SLC26A7: variants seen among roughly 807,000 people sequenced by gnomAD.
The protein encoded by SLC26A7 is anion exchange transporter.
SLC26A7 carries 59 observed loss-of-function variants against 82.5 expected under a neutral mutation model. The observed-to-expected ratio is 0.72, with a 90% CI of 0.58 to 0.89. The LOEUF (loss-of-function observed/expected upper bound fraction) is 0.89, where lower values mean the gene tolerates loss of function less well. SLC26A7 is among the 40% of genes least tolerant of loss of function. SLC26A7 has a pLI of 0.00. For synonymous variants in SLC26A7, 271 were observed against 274.3 expected (o/e 0.99, Z 0.12); for missense variants, 820 against 793.0 (o/e 1.03, Z -0.41).
chr8:91,227,417 C>T (rs779434509), intron 2 of SLC26A7, among the ~76,000 whole-genome samples: 1 of 152,106 alleles, frequency 6.6e-6, no homozygotes, highest in Non-Finnish European at 1.5e-5. Context: ...TAGTTTCAAA[C>T]AGAAGAATAT....
chr8:91,288,986 A>T, intron 2 of SLC26A7, 150 bp from the exon 3 acceptor site: 1 of 538,388 alleles, frequency 1.9e-6, no homozygotes. Context: ...ATTTTCTTTT[A>T]TTTAGGGCAA....
intron 4 of SLC26A7, among the ~76,000 whole-genome samples, chr8:91,308,737 C>G (rs903191937): frequency 7.9e-5 from 12 of 152,096 alleles, no homozygotes; most frequent in African/African-American, 2.9e-4. Context: ...TTAGTATGGA[C>G]TCTAGGATAT....
At chr8:91,213,434 A>C (rs1007743292) in intron 1 of SLC26A7, among the ~76,000 whole-genome samples, 1 of 152,144 alleles carries the variant, frequency 6.6e-6, no homozygotes, top group African/African-American at 2.4e-5. Flanking sequence ...TCAGAGCAGT[A>C]CTCATGTCAC....
intron 13 of SLC26A7, among the ~76,000 whole-genome samples, chr8:91,364,705 A>C (rs972814976): frequency 6.6e-6 from 1 of 152,178 alleles, no homozygotes; most frequent in South Asian, 2.1e-4. Flanking sequence ...CTTAAAAATC[A>C]CTGTTTAATA....
chr8:91,317,206 C>A (rs1812662042), intron 4 of SLC26A7, among the ~76,000 whole-genome samples: 1 of 151,820 alleles, frequency 6.6e-6, no homozygotes, highest in African/African-American at 2.4e-5. Context: ...TGCTTCCTGT[C>A]ATTCCTGTCA....
At chr8:91,217,742 C>T (rs1370497895) in intron 1 of SLC26A7, among the ~76,000 whole-genome samples, 1 of 152,160 alleles carries the variant, frequency 6.6e-6, no homozygotes, top group Non-Finnish European at 1.5e-5. Flanking sequence ...GGATCCCAGA[C>T]AGGAAAAACC....
chr8:91,340,434 C>T lies in SLC26A7; in HGVS notation c.909C>T (p.Asn303=). ...CCTCACCTAGAGCTCCCCCGATGAA[C>T]ATCCTCTCTGCGGTGATCACTGAAG... The part of the protein sequence containing the change: ...GIPSPRAPPM[N]ILSAVITEAF... Residue 303 remains asparagine (N), a synonymous_variant, in exon 8 of 19, where the codon AAC becomes AAT. Transcript: ENST00000276609. 1 of 1,613,960 alleles carries T rather than the reference C, an allele frequency of 6.2e-7. No homozygotes were observed. The highest frequency in any genetic ancestry group is 8.5e-7 in the Non-Finnish European group (1 of 1,179,906).
At chr8:91,367,165 G>A (rs1814219009) in intron 14 of SLC26A7, among the ~76,000 whole-genome samples, 1 of 151,950 alleles carries the variant, frequency 6.6e-6, no homozygotes, top group Non-Finnish European at 1.5e-5. Flanking sequence ...CCGCCACCAC[G>A]CTCGGCTAAT....
At chr8:91,366,746 A>G (rs368760203) in intron 14 of SLC26A7, 29 bp downstream of exon 14, 96 of 1,599,640 alleles carry the variant, frequency 6.0e-5, no homozygotes, top group Non-Finnish European at 7.1e-5. Context: ...TTAGAATGTC[A>G]TACTACATGT....
At chr8:91,213,645 A>G (rs1462444521) in intron 1 of SLC26A7, among the ~76,000 whole-genome samples, 1 of 152,248 alleles carries the variant, frequency 6.6e-6, no homozygotes, top group African/African-American at 2.4e-5. Context: ...TAAATGAGTG[A>G]TAGAGACCAA....
At chr8:91,259,102 G>A (rs897417765) in intron 2 of SLC26A7, among the ~76,000 whole-genome samples, 32 of 152,022 alleles carry the variant, frequency 2.1e-4, no homozygotes, top group African/African-American at 3.1e-4. Flanking sequence ...AACCACAGGC[G>A]TGCATTGATT....
At chr8:91,339,398 G>A (rs1213963514) in intron 7 of SLC26A7, among the ~76,000 whole-genome samples, 2 of 152,090 alleles carry the variant, frequency 1.3e-5, no homozygotes, top group East Asian at 1.9e-4. Context: ...CAGAAGTGGA[G>A]CTGAGATTGC....
chr8:91,366,825 C>A, intron 14 of SLC26A7, 108 bp downstream of exon 14: 1 of 1,271,540 alleles, frequency 7.9e-7, no homozygotes, highest in Non-Finnish European at 1.1e-6. Flanking sequence ...ATTTCGAGAC[C>A]TCTCCCTTCA....
intron 2 of SLC26A7, among the ~76,000 whole-genome samples, chr8:91,258,401 C>T (rs1810866196): frequency 6.6e-6 from 1 of 151,436 alleles, no homozygotes; most frequent in Non-Finnish European, 1.5e-5. Flanking sequence ...GCAAGTCACC[C>T]CCCCATCTAC....
At chr8:91,214,884 G>T (rs1810010952) in intron 1 of SLC26A7, among the ~76,000 whole-genome samples, 1 of 151,828 alleles carries the variant, frequency 6.6e-6, no homozygotes, top group Non-Finnish European at 1.5e-5. Flanking sequence ...GATTTTGCAG[G>T]CTGGGTTTCC....
Position 91,366,840 on chromosome 8 carries a change from A to G in SLC26A7, c.1626+123A>G, listed in dbSNP as rs182865289. The G allele has an allele frequency of 1.4e-5, 15 of 1,088,376 alleles. No homozygotes were observed. In the East Asian group the frequency reaches 2.9e-4, roughly 21 times the overall value. The allele number at this position is 1,088,376 out of a possible 1,614,324, so 67.4% of individuals were successfully genotyped here. On this transcript the variant is annotated intron_variant, in intron 14 of 18. Transcript: ENST00000276609. ...ATTTCGAGACCTCTCCCTTCAGCAA[A>G]ACCTATGATTATTTGATTATTTTAG...
intron 8 of SLC26A7, 158 bp downstream of exon 8, chr8:91,340,709 A>G (rs567950805): frequency 3.1e-4 from 260 of 844,330 alleles, no homozygotes; most frequent in Non-Finnish European, 3.9e-4. Context: ...AATCATTCAT[A>G]GGAAGCTAAA....
At chr8:91,224,529 G>A (rs914706543) in intron 2 of SLC26A7, among the ~76,000 whole-genome samples, 10 of 152,156 alleles carry the variant, frequency 6.6e-5, no homozygotes, top group African/African-American at 2.4e-4. Context: ...CACTCAAGGA[G>A]GCTGGACAGC....
intron 2 of SLC26A7, among the ~76,000 whole-genome samples, chr8:91,236,690 T>A (rs1810397715): frequency 6.6e-6 from 1 of 152,172 alleles, no homozygotes; most frequent in Admixed American, 6.6e-5. Context: ...TTGTTAAAGT[T>A]ATACAGGAAG....
Sources: allele counts gnomAD v4.1 joint callset (sites outside exome capture counted in the v4.1 genomes callset), GRCh38; gene constraint gnomAD v4.1.1; transcripts MANE v1.5; gene names NCBI Gene and HGNC (gene_info 2026-07-23, HGNC 2026-07-21).